CEP250: variants seen among roughly 807,000 people sequenced by gnomAD.
The protein encoded by CEP250 is centrosomal protein 250, also known as centrosome-associated protein CEP250.
CEP250 carries 242 observed loss-of-function variants against 315.7 expected under a neutral mutation model. That is an observed-to-expected ratio of 0.77 (90% CI 0.69 to 0.85). The LOEUF (loss-of-function observed/expected upper bound fraction) is 0.85, where lower values mean the gene tolerates loss of function less well. CEP250 is among the 40% of genes least tolerant of loss of function. The pLI is 0.00. For synonymous variants in CEP250, 1,088 were observed against 1,175.0 expected (o/e 0.93, Z 1.51); for missense variants, 2,515 against 2,886.4 (o/e 0.87, Z 2.95).
intron 28 of CEP250, 69 bp from the exon 29 acceptor site, chr20:35,501,776 A>G (rs2064010814): frequency 4.7e-6 from 7 of 1,495,262 alleles, no homozygotes; most frequent in South Asian, 3.8e-5. Context: ...ATCTGCCTCT[A>G]TATCCCTCTA....
chr20:35,502,076 C>A, intron 29 of CEP250, 110 bp downstream of exon 29: 1 of 1,287,426 alleles, frequency 7.8e-7, no homozygotes, highest in Middle Eastern at 2.7e-4. Flanking sequence ...GTCAGTTCCT[C>A]TGGCTGTCTC....
chr20:35,509,840 G>A (rs1000070130), intron 33 of CEP250, among the ~76,000 whole-genome samples, 158 bp from the exon 34 acceptor site: 1 of 152,230 alleles, frequency 6.6e-6, no homozygotes, highest in African/African-American at 2.4e-5. Flanking sequence ...TTGCTGCAGG[G>A]CCTGCTGCCC....
intron 4 of CEP250, 109 bp from the exon 5 acceptor site, chr20:35,463,466 C>A: frequency 1.2e-6 from 1 of 822,638 alleles, no homozygotes; most frequent in Non-Finnish European, 1.8e-6. Flanking sequence ...ACTGTCACCA[C>A]CCATTTCCCC....
chr20:35,466,986 A>T lies in CEP250; in HGVS notation c.513A>T (p.Lys171Asn). The T allele has an allele frequency of 6.2e-7, 1 of 1,613,354 alleles. No homozygotes were observed. Among genetic ancestry groups the T allele is most frequent in the Non-Finnish European group, 8.5e-7 (1 of 1,179,300 alleles). Residue 171 changes from lysine to asparagine, a missense_variant, in exon 8 of 35, where the codon AAA becomes AAT. By Grantham distance (94) the Lys-to-Asn change is moderately conservative. Transcript: ENST00000397527. ...CACAGTTCTTCAAGGGCTACCTGAA[A>T]GGGGAGCACGGTCGCCTTCTCAGTC... ...MEQEFFKGYLKGEHGRLLSLW... is the reference protein window; with the variant it reads ...MEQEFFKGYLNGEHGRLLSLW...
intron 5 of CEP250, among the ~76,000 whole-genome samples, chr20:35,464,609 TTAAGTTGAAAATATCA>T (rs1434702838): frequency 3.3e-5 from 5 of 152,162 alleles, no homozygotes; most frequent in African/African-American, 7.2e-5. Flanking sequence ...GAACTCACTG[TTAAGTTGAAAATATCA>T]TAAGTTGAAA....
At chr20:35,459,136 A>G (rs1465857248) in intron 2 of CEP250, among the ~76,000 whole-genome samples, 7 of 151,598 alleles carry the variant, frequency 4.6e-5, no homozygotes. Context: ...TGGCCATGCA[A>G]ATCATTTTTT....
intron 15 of CEP250, 89 bp from the exon 16 acceptor site, chr20:35,476,360 C>A: frequency 7.9e-7 from 1 of 1,267,868 alleles, no homozygotes; most frequent in Non-Finnish European, 1.1e-6. Flanking sequence ...GATCTCTGTA[C>A]CAAAAAGCAG....
rs145276936 is a variant in CEP250, at chr20:35,472,803, T to C, written c.1181T>C (p.Val394Ala). 3.1e-6 allele frequency: 5 copies of C among 1,614,078 alleles called. No individual in the cohort carries two copies. In the African/African-American group the frequency reaches 6.7e-5, roughly 22 times the overall value. ...ADKALTLVRS[V>A]LTRRRQAVQD... is the part of the protein sequence containing the mutation. ...AAGGCTCTTACTCTGGTGCGTTCAG[T>C]GCTGACTCGGAGACGCCAGGCTGTG... The change falls in exon 12 of 35, where the codon GTG becomes GCG. Residue 394 changes from valine (V) to alanine (A), a missense_variant. Transcript: ENST00000397527.
At chr20:35,457,855 GA>G (rs1272235322) in intron 1 of CEP250, among the ~76,000 whole-genome samples, 4 of 152,148 alleles carry the variant, frequency 2.6e-5, no homozygotes, top group African/African-American at 9.7e-5. Context: ...AGATGGAGAA[GA>G]GGTCTGAAGC....
intron 30 of CEP250, among the ~76,000 whole-genome samples, chr20:35,507,007 T>C (rs915450668): frequency 1.3e-5 from 2 of 152,064 alleles, no homozygotes; most frequent in Non-Finnish European, 2.9e-5. Flanking sequence ...CACTGCCACC[T>C]CCAAACACAC....
rs1568777524 is a variant in CEP250 at position 35,475,531 on chromosome 20, AAC to A, written c.1603_1604del (p.Gln535ValfsTer6). ...GAGATGCTGATGGGCCTGGAAGCCAAACAGTCAGAATCACTCAGTGAACTGAT... is the reference window on the plus strand; with the variant it reads ...GAGATGCTGATGGGCCTGGAAGCCAAAGTCAGAATCACTCAGTGAACTGAT... On this transcript the variant is annotated frameshift_variant, in exon 15 of 35. Transcript: ENST00000397527. LOFTEE classifies it high-confidence loss of function. 1.2e-6 allele frequency: 2 copies of A among 1,614,166 alleles called. No homozygotes were observed. Among genetic ancestry groups the A allele is most frequent in the Admixed American group, 1.7e-5 (1 of 60,012 alleles).
chr20:35,495,008 A>G (rs1275811680), intron 24 of CEP250, among the ~76,000 whole-genome samples: 1 of 152,230 alleles, frequency 6.6e-6, no homozygotes, highest in Non-Finnish European at 1.5e-5. Flanking sequence ...AGGGTGAGAG[A>G]GAGAAGAGAC....
chr20:35,508,727 A>G (rs2064268151), intron 32 of CEP250, among the ~76,000 whole-genome samples: 1 of 152,190 alleles, frequency 6.6e-6, no homozygotes, highest in African/African-American at 2.4e-5. Context: ...CCTTTGCTCC[A>G]GAGGTCTGAG....
chr20:35,501,408 G>A (rs2063998194), intron 28 of CEP250, among the ~76,000 whole-genome samples: 1 of 152,172 alleles, frequency 6.6e-6, no homozygotes, highest in Admixed American at 6.5e-5. Context: ...GGTTCCCTGA[G>A]AGCCACAAAA....
Position 35,503,648 on chromosome 20 carries a change from A to G in CEP250, c.5279A>G (p.Gln1760Arg), listed in dbSNP as rs757335817. Residue 1760 changes from glutamine to arginine, a missense_variant, in exon 30 of 35, where the codon CAG becomes CGG. By Grantham distance (43) the Gln-to-Arg change is conservative. Transcript: ENST00000397527. This position sits in a 1 kb window ranked among gnomAD's most constrained non-coding sequence, Gnocchi z 4.2. ...ELKDQLEQQL[Q>R]GLHRKVGETS... is the part of the protein sequence containing the mutation. ...AAAGACCAGCTGGAGCAGCAGCTCC[A>G]GGGCCTGCACAGGAAGGTAGGTGAG... 1 of 1,614,140 alleles carries G rather than the reference A, an allele frequency of 6.2e-7. No homozygotes were observed. The highest frequency in any genetic ancestry group is 1.7e-5 in the Admixed American group (1 of 60,024).
rs2064112717 is a variant in CEP250 at position 35,504,236 on chromosome 20, AG to A, written c.5869del (p.Glu1957ArgfsTer34). On this transcript the variant is annotated frameshift_variant, in exon 30 of 35. Transcript: ENST00000397527. LOFTEE classifies it high-confidence loss of function. ...RAESQSSRHQ[E>X]EAARARAEAL... ...GAAAGTCAGTCCTCCCGGCATCAGG[AG>A]GAGGCTGCCCGGGCCCGGGCTGAGG... is the stretch of plus-strand genomic sequence containing the variant. 6.2e-7 allele frequency: 1 copy of A among 1,606,196 alleles called. No homozygotes were observed. The highest frequency in any genetic ancestry group is 1.3e-5 in the African/African-American group (1 of 74,798).
rs1446720601 is a variant in CEP250, at chr20:35,467,387, A to C, written c.683A>C (p.Gln228Pro). ...TGTCTGCGCTTGACTGTGGGAGCAC[A>C]GTCTCGGGAACCCAACGGATCTGGA... The part of the protein sequence containing the change: ...TCCLRLTVGA[Q>P]SREPNGSGRM... Residue 228 changes from glutamine (Q) to proline (P), a missense_variant, in exon 9 of 35, where the codon CAG (glutamine) becomes CCG (proline). Transcript: ENST00000397527. 3.1e-6 allele frequency: 5 copies of C among 1,614,172 alleles called. No individual in the cohort carries two copies. The East Asian group carries it at 1.1e-4, about 36-fold the overall frequency.
At chr20:35,484,982 C>T (rs2063465617) in intron 20 of CEP250, among the ~76,000 whole-genome samples, 1 of 151,226 alleles carries the variant, frequency 6.6e-6, no homozygotes, top group African/African-American at 2.4e-5. Context: ...TGGCTCATGC[C>T]TATAATCCCA....
intron 5 of CEP250, among the ~76,000 whole-genome samples, chr20:35,464,744 A>C (rs903274265): frequency 6.8e-6 from 1 of 147,852 alleles, no homozygotes; most frequent in Admixed American, 6.7e-5. Flanking sequence ...AGCATGGTGA[A>C]ACCCCATCTC....
Sources: gnomAD v4.1 joint callset for allele counts (sites outside exome capture counted in the v4.1 genomes callset) on GRCh38, gnomAD v4.1.1 for gene constraint, Gnocchi (gnomAD v3.1) non-coding constraint, MANE v1.5 for transcripts, NCBI Gene and HGNC (gene_info 2026-07-23, HGNC 2026-07-21) for gene names.